Variants in PPARGC1A observed in about 807,000 individuals in gnomAD.
The protein encoded by PPARGC1A is peroxisome proliferator-activated receptor gamma coactivator 1-alpha.
PPARGC1A carries 25 observed loss-of-function variants against 88.7 expected under a neutral mutation model. The ratio of observed to expected loss-of-function variants is 0.28; its 90% CI spans 0.21 to 0.39. The LOEUF is 0.39. PPARGC1A is among the 10% of genes least tolerant of loss of function. The pLI, the probability that PPARGC1A is intolerant of heterozygous loss-of-function variation, is 1.00. For missense variants in PPARGC1A, 880 were observed against 968.7 expected, an observed-to-expected ratio of 0.91 and a Z score of 1.22; for synonymous variants, 363 against 355.6, an observed-to-expected ratio of 1.02 and a Z score of -0.24.
At chr4:23,798,609 T>C (rs1718069479) in intron 12 of PPARGC1A, among the ~76,000 whole-genome samples, 1 of 152,202 alleles carries the variant, frequency 6.6e-6, no homozygotes, top group Non-Finnish European at 1.5e-5. Flanking sequence ...ATGTTTAAGT[T>C]ATGTAACATA....
chr4:24,276,010 G>A, the PPARGC1A span, among the ~76,000 whole-genome samples: 3 of 152,156 alleles, frequency 2.0e-5, no homozygotes, highest in Non-Finnish European at 4.4e-5. Context: ...GCAAAGCTAC[G>A]GAAAGCATAA....
chr4:23,966,837 T>G, the PPARGC1A span, among the ~76,000 whole-genome samples: 1 of 152,310 alleles, frequency 6.6e-6, no homozygotes, highest in South Asian at 2.1e-4. Flanking sequence ...TTGTTAGCAC[T>G]GCAGGTTCAA....
At chr4:24,310,566 G>A in the PPARGC1A span, among the ~76,000 whole-genome samples, 170 of 152,128 alleles carry the variant, frequency 1.1e-3, no homozygotes, top group Admixed American at 2.0e-3. Context: ...AACTGCATGG[G>A]GCCAACTGAA....
At chr4:24,396,105 C>T in the PPARGC1A span, among the ~76,000 whole-genome samples, 4 of 151,958 alleles carry the variant, frequency 2.6e-5, no homozygotes, top group African/African-American at 7.3e-5. Flanking sequence ...GGGGCAGAGC[C>T]GGGCAGACAC....
chr4:24,423,122 C>T, the PPARGC1A span, among the ~76,000 whole-genome samples: 1 of 152,128 alleles, frequency 6.6e-6, no homozygotes, highest in Non-Finnish European at 1.5e-5. Context: ...AATTCCAGCT[C>T]AGTGTCACCT....
chr4:24,415,280 G>C, the PPARGC1A span, among the ~76,000 whole-genome samples: 1 of 152,066 alleles, frequency 6.6e-6, no homozygotes, highest in Non-Finnish European at 1.5e-5. Flanking sequence ...CGATAGTTGT[G>C]GAGCTAGGGA....
the PPARGC1A span, among the ~76,000 whole-genome samples, chr4:24,216,939 G>A: frequency 3.3e-5 from 5 of 152,192 alleles, no homozygotes; most frequent in East Asian, 9.7e-4. Flanking sequence ...ACCTACCACT[G>A]TTATAAAGAC....
the PPARGC1A span, among the ~76,000 whole-genome samples, chr4:24,364,516 T>C: frequency 1.3e-5 from 2 of 152,190 alleles, no homozygotes; most frequent in African/African-American, 2.4e-5. Flanking sequence ...CATGACATCA[T>C]GTTCTTACGC....
the PPARGC1A span, among the ~76,000 whole-genome samples, chr4:24,406,672 C>G: frequency 6.6e-6 from 1 of 152,166 alleles, no homozygotes; most frequent in Non-Finnish European, 1.5e-5. Context: ...CATACACATG[C>G]CCACAGTGGA....
the PPARGC1A span, among the ~76,000 whole-genome samples, chr4:24,013,790 C>T: frequency 6.6e-6 from 1 of 152,162 alleles, no homozygotes; most frequent in African/African-American, 2.4e-5. Context: ...TCAGTCAATT[C>T]GTACCTAAGG....
At chr4:24,363,488 T>A in the PPARGC1A span, among the ~76,000 whole-genome samples, 1 of 152,232 alleles carries the variant, frequency 6.6e-6, no homozygotes, top group African/African-American at 2.4e-5. Context: ...CCGGCTATTA[T>A]ATTAAAGTGT....
chr4:24,346,996 T>C, the PPARGC1A span, among the ~76,000 whole-genome samples: 1 of 152,200 alleles, frequency 6.6e-6, no homozygotes, highest in Non-Finnish European at 1.5e-5. Context: ...GTTCAAAGAA[T>C]TTTTTAATTT....
chr4:24,303,264 A>T, the PPARGC1A span, among the ~76,000 whole-genome samples: 1 of 152,206 alleles, frequency 6.6e-6, no homozygotes, highest in Non-Finnish European at 1.5e-5. Context: ...CAAAGTAAAA[A>T]AAATATGAGT....
At chr4:24,128,717 T>C in the PPARGC1A span, among the ~76,000 whole-genome samples, 5 of 152,156 alleles carry the variant, frequency 3.3e-5, no homozygotes, top group Non-Finnish European at 1.5e-5. Flanking sequence ...TCATAACAAT[T>C]AGAAATACAA....
At chr4:24,384,161 T>C in the PPARGC1A span, among the ~76,000 whole-genome samples, 209 of 152,118 alleles carry the variant, frequency 1.4e-3, no homozygotes, top group African/African-American at 4.8e-3. Context: ...AGAAATAAAA[T>C]CCTTTACAGA....
the PPARGC1A span, among the ~76,000 whole-genome samples, chr4:24,461,300 A>G: frequency 6.6e-6 from 1 of 152,246 alleles, no homozygotes; most frequent in Non-Finnish European, 1.5e-5. Context: ...TGACAGAACA[A>G]CTGGAGAGGA....
At chr4:24,092,332 G>T in the PPARGC1A span, among the ~76,000 whole-genome samples, 2 of 152,124 alleles carry the variant, frequency 1.3e-5, no homozygotes, top group African/African-American at 2.4e-5. Flanking sequence ...CCCAGTCAAT[G>T]CTTCACTAGC....
intron 10 of PPARGC1A, among the ~76,000 whole-genome samples, chr4:23,807,765 G>A (rs1250574340): frequency 1.3e-5 from 2 of 151,690 alleles, no homozygotes; most frequent in African/African-American, 4.9e-5. Context: ...ATGTGTGTGT[G>A]TGTGAATAAC....
At chr4:24,467,081 GGAGA>G in the PPARGC1A span, among the ~76,000 whole-genome samples, 197 of 129,490 alleles carry the variant, frequency 1.5e-3, 4 homozygotes, top group South Asian at 0.03. Flanking sequence ...AGAAAGAAAG[GGAGA>G]GAGAGAGAGA....
Sources: allele counts gnomAD v4.1 joint callset (sites outside exome capture counted in the v4.1 genomes callset), GRCh38; gene constraint gnomAD v4.1.1; transcripts MANE v1.5; gene names NCBI Gene and HGNC (gene_info 2026-07-23, HGNC 2026-07-21).